Variants in GRID2 observed in about 807,000 individuals in gnomAD.
The protein encoded by GRID2 is glutamate ionotropic receptor delta type subunit 2, also known as glutamate receptor ionotropic, delta-2.
GRID2 carries 33 observed loss-of-function variants against 114.8 expected under a neutral mutation model. That is an observed-to-expected ratio of 0.29 (90% CI 0.22 to 0.38). The LOEUF is 0.38. Ranked by LOEUF, GRID2 falls within the 10% of genes least tolerant of loss-of-function variation. The pLI, the probability that GRID2 is intolerant of heterozygous loss-of-function variation, is 1.00. For missense variants in GRID2, 1,184 were observed against 1,257.7 expected, an observed-to-expected ratio of 0.94 and a Z score of 0.89; for synonymous variants, 505 against 449.9, an observed-to-expected ratio of 1.12 and a Z score of -1.55.
At chr4:92,614,998 GT>G (rs968217116) in intron 2 of GRID2, among the ~76,000 whole-genome samples, 5 of 148,194 alleles carry the variant, frequency 3.4e-5, no homozygotes, top group African/African-American at 5.0e-5. Flanking sequence ...TTTATCTGCT[GT>G]TAATTATCTT....
chr4:92,989,788 T>G (rs1444883888), intron 2 of GRID2, among the ~76,000 whole-genome samples: 1 of 152,196 alleles, frequency 6.6e-6, no homozygotes, highest in Non-Finnish European at 1.5e-5. Context: ...TTTATCTGGG[T>G]GACATATGAC....
chr4:92,504,271 T>G (rs1385963814), intron 1 of GRID2, among the ~76,000 whole-genome samples: 1 of 151,932 alleles, frequency 6.6e-6, no homozygotes, highest in African/African-American at 2.4e-5. Context: ...TCACATGAGA[T>G]GAGATTCTAA....
At chr4:93,389,678 C>T (rs980451807) in intron 8 of GRID2, among the ~76,000 whole-genome samples, 2 of 152,024 alleles carry the variant, frequency 1.3e-5, no homozygotes, top group Admixed American at 6.5e-5. Flanking sequence ...GAGACAATAT[C>T]CCTAGTTAGC....
At chr4:93,029,589 C>A (rs900211597) in intron 2 of GRID2, among the ~76,000 whole-genome samples, 1 of 152,018 alleles carries the variant, frequency 6.6e-6, no homozygotes, top group Admixed American at 6.6e-5. Context: ...TTTTTTCACA[C>A]TAAAAATATC....
At chr4:92,981,005 A>G (rs1754176333) in intron 2 of GRID2, among the ~76,000 whole-genome samples, 1 of 152,114 alleles carries the variant, frequency 6.6e-6, no homozygotes, top group African/African-American at 2.4e-5. Flanking sequence ...AGAAAAGCCA[A>G]GCAAATTACC....
rs151183056 is a variant in GRID2, at chr4:93,036,832, G to A, written c.245-48163G>A. Among the ~76,000 whole-genome samples, 638 of 152,136 alleles carry A rather than the reference G, an allele frequency of 4.2e-3. 1 individual carries two copies. Among genetic ancestry groups the A allele is most frequent in the Middle Eastern group, 0.014 (4 of 294 alleles). On this transcript the variant is annotated intron_variant, in intron 2 of 15. Coordinates refer to ENST00000282020, the MANE Select transcript of GRID2 (RefSeq NM_001510.4). ...CCATAAAGTTGTACTAAAAAATAGC[G>A]AATTTTTTTTATTCTGTATGAGGAA...
At chr4:92,790,950 C>T (rs371211890) in intron 2 of GRID2, among the ~76,000 whole-genome samples, 1 of 151,724 alleles carries the variant, frequency 6.6e-6, no homozygotes, top group Non-Finnish European at 1.5e-5. Context: ...ATGTTACCTT[C>T]GGCAAGTTTA....
intron 1 of GRID2, among the ~76,000 whole-genome samples, chr4:92,445,766 G>T (rs1410151317): frequency 6.6e-6 from 1 of 152,124 alleles, no homozygotes; most frequent in Non-Finnish European, 1.5e-5. Flanking sequence ...TTTCTATGTT[G>T]TAATTTATTT....
intron 2 of GRID2, among the ~76,000 whole-genome samples, chr4:92,711,692 C>T (rs1735261847): frequency 6.6e-6 from 1 of 152,114 alleles, no homozygotes; most frequent in Admixed American, 6.6e-5. Flanking sequence ...CACTTGAGCC[C>T]AGGAGTTTGA....
At chr4:93,297,352 G>T (rs1754418448) in intron 8 of GRID2, among the ~76,000 whole-genome samples, 1 of 152,124 alleles carries the variant, frequency 6.6e-6, no homozygotes, top group African/African-American at 2.4e-5. Context: ...GCATTTATAA[G>T]CATCATAATT....
At chr4:92,870,194 C>CT (rs976620539) in intron 2 of GRID2, among the ~76,000 whole-genome samples, 2 of 151,740 alleles carry the variant, frequency 1.3e-5, no homozygotes, top group African/African-American at 4.8e-5. Context: ...GAGTGAGACT[C>CT]TGTCTCTAAA....
chr4:93,320,764 G>A (rs965189780), intron 8 of GRID2, among the ~76,000 whole-genome samples: 3 of 151,916 alleles, frequency 2.0e-5, no homozygotes, highest in African/African-American at 4.8e-5. Flanking sequence ...AATAGAAGGT[G>A]CCAAACATGA....
At chr4:92,553,959 C>T (rs1726726455) in intron 1 of GRID2, among the ~76,000 whole-genome samples, 1 of 152,082 alleles carries the variant, frequency 6.6e-6, no homozygotes, top group Admixed American at 6.6e-5. Flanking sequence ...CTATCATTAA[C>T]ATTTTTATTT....
intron 2 of GRID2, among the ~76,000 whole-genome samples, chr4:92,902,925 T>C (rs576276762): frequency 6.6e-6 from 1 of 152,136 alleles, no homozygotes; most frequent in East Asian, 1.9e-4. Flanking sequence ...TGTTGATTTT[T>C]ATACCAGTAC....
intron 2 of GRID2, among the ~76,000 whole-genome samples, chr4:92,656,794 T>C (rs1732261688): frequency 6.6e-6 from 1 of 151,718 alleles, no homozygotes. Flanking sequence ...TTAACTTGTG[T>C]TTTAAAGAAC....
At chr4:93,308,115 G>C (rs2149181278) in intron 8 of GRID2, among the ~76,000 whole-genome samples, 1 of 152,190 alleles carries the variant, frequency 6.6e-6, no homozygotes, top group South Asian at 2.1e-4. Flanking sequence ...AATGTAAATA[G>C]CCATAATAAC....
intron 2 of GRID2, among the ~76,000 whole-genome samples, chr4:92,939,152 A>C (rs1470232077): frequency 6.8e-6 from 1 of 147,384 alleles, no homozygotes; most frequent in Non-Finnish European, 1.5e-5. Context: ...TGACTTCCAC[A>C]ATGGTTGAAC....
chr4:93,536,147 T>G (rs778586060), intron 13 of GRID2, among the ~76,000 whole-genome samples: 8 of 152,014 alleles, frequency 5.3e-5, no homozygotes, highest in Non-Finnish European at 1.0e-4. Context: ...GATCTATAGA[T>G]TCAATGAAAT....
At chr4:92,487,818 G>T (rs902248751) in intron 1 of GRID2, among the ~76,000 whole-genome samples, 1 of 151,792 alleles carries the variant, frequency 6.6e-6, no homozygotes. Flanking sequence ...TTCTTGGATC[G>T]GCAGTTTTGT....
Sources: gnomAD v4.1 joint callset for allele counts (sites outside exome capture counted in the v4.1 genomes callset) on GRCh38, gnomAD v4.1.1 for gene constraint, MANE v1.5 for transcripts, NCBI Gene and HGNC (gene_info 2026-07-23, HGNC 2026-07-21) for gene names.